The following FAM163B variants were observed in gnomAD, a reference collection of about 807,000 sequenced individuals.
FAM163B encodes the protein family with sequence similarity 163 member B, also known as protein FAM163B.
Under a neutral mutation model 7.6 loss-of-function variants are expected in FAM163B, and 4 were observed. The ratio of observed to expected loss-of-function variants is 0.52; its 90% confidence interval spans 0.26 to 1.20. FAM163B has a LOEUF of 1.20. Among genes scored for constraint, FAM163B ranks in the 50% most tolerant of loss-of-function variants. The probability of loss-of-function intolerance (pLI) is 0.14; values close to 1 mark genes in which losing one functional copy is unlikely to be tolerated. For missense variants in FAM163B, 250 were observed against 243.0 expected, an observed-to-expected ratio of 1.03 and a Z score of -0.19; for synonymous variants, 120 against 111.6, an observed-to-expected ratio of 1.07 and a Z score of -0.47.
intron 1 of FAM163B, among the ~76,000 whole-genome samples, chr9:133,585,036 A>C (rs1831412576): frequency 6.6e-6 from 1 of 152,172 alleles, no homozygotes; most frequent in Non-Finnish European, 1.5e-5. Flanking sequence ...ACAGGTTGTG[A>C]GATGGGGCTC....
rs116308646 is a variant in FAM163B at position 133,601,543 on chromosome 9, A to C, written c.-24+7534T>G. ...TTCCCTTCCGATTACTGAAACCCCC[A>C]TAACTGGAGAATTTCGGGTGCCACA... On this transcript the variant is annotated intron_variant, in intron 1 of 2. Transcript: ENST00000673969. This position sits in a 1 kb window ranked among gnomAD's most constrained non-coding sequence, Gnocchi z 4.1. Among the ~76,000 whole-genome samples the C allele has an allele frequency of 0.013, 2,047 of 151,740 alleles. 38 individuals are homozygous for C. Among genetic ancestry groups the C allele is most frequent in the African/African-American group, 0.047 (1,917 of 41,062 alleles).
chr9:133,582,456 G>C (rs1831370501), intron 1 of FAM163B, among the ~76,000 whole-genome samples: 1 of 152,226 alleles, frequency 6.6e-6, no homozygotes, highest in Admixed American at 6.5e-5. Flanking sequence ...ATCTGGGTCA[G>C]GTCAGGGCTG....
At chr9:133,584,808 G>A (rs865956113) in intron 1 of FAM163B, among the ~76,000 whole-genome samples, 1 of 152,218 alleles carries the variant, frequency 6.6e-6, no homozygotes, top group Non-Finnish European at 1.5e-5. Flanking sequence ...AGAGCCATGC[G>A]GGTCAGGCCC....
rs919513273 is a variant in FAM163B, at chr9:133,580,196, C to T, written c.28G>A (p.Gly10Arg). MTAGTVVIT[G>R]GILATVILLC... ...AAAATCACAGTCGCCAAGATGCCCC[C>T]GGTGATGACCACGGTCCCGGCTGTC... is the stretch of plus-strand genomic sequence containing the variant. Residue 10 changes from glycine (G) to arginine (R), a missense_variant, in exon 2 of 3, where the codon GGG becomes AGG. By Grantham distance (125) the Gly-to-Arg change is moderately radical. Coordinates refer to ENST00000673969, the MANE Select transcript of FAM163B (RefSeq NM_001080515.3). 61 of 1,613,432 alleles carry T rather than the reference C, an allele frequency of 3.8e-5. No individual in the cohort carries two copies. The Admixed American group carries it at 9.2e-4, about 24-fold the overall frequency.
chr9:133,605,080 C>T (rs1333066079), intron 1 of FAM163B, among the ~76,000 whole-genome samples: 4 of 152,204 alleles, frequency 2.6e-5, no homozygotes, highest in African/African-American at 9.7e-5. Flanking sequence ...AGGTGCAGAC[C>T]GAGGCCTGTG....
chr9:133,604,971 G>T (rs536496405), intron 1 of FAM163B, among the ~76,000 whole-genome samples: 2 of 152,234 alleles, frequency 1.3e-5, no homozygotes, highest in African/African-American at 2.4e-5. Flanking sequence ...GGACCTCCTC[G>T]TGAGGAACGG....
chr9:133,602,159 G>A (rs1302012603), intron 1 of FAM163B, among the ~76,000 whole-genome samples: 1 of 147,986 alleles, frequency 6.8e-6, no homozygotes, highest in African/African-American at 2.5e-5. Context: ...CCATGCCCAA[G>A]ACCCGCCATA....
At chr9:133,593,072 G>T (rs926510403) in intron 1 of FAM163B, among the ~76,000 whole-genome samples, 4 of 152,214 alleles carry the variant, frequency 2.6e-5, no homozygotes, top group Non-Finnish European at 5.9e-5. Flanking sequence ...TGCGGTGCGG[G>T]TCAGCAGGAA....
At chr9:133,599,003 A>AC (rs1831671975) in intron 1 of FAM163B, among the ~76,000 whole-genome samples, 1 of 151,532 alleles carries the variant, frequency 6.6e-6, no homozygotes, top group African/African-American at 2.4e-5. Flanking sequence ...TGCAGGCAGC[A>AC]CCCCCTCCCC....
intron 1 of FAM163B, among the ~76,000 whole-genome samples, chr9:133,588,733 G>T (rs1831491354): frequency 1.3e-5 from 1 of 75,048 alleles, no homozygotes; most frequent in Admixed American, 1.4e-4. Flanking sequence ...CACTCATTGT[G>T]CAGTTGGGTG....
chr9:133,589,975 C>G (rs572034556), intron 1 of FAM163B, among the ~76,000 whole-genome samples: 1 of 151,934 alleles, frequency 6.6e-6, no homozygotes, highest in African/African-American at 2.4e-5. Flanking sequence ...CTTTTTGTCT[C>G]CCTTAAAAAT....
In FAM163B at chr9:133,609,243, C is replaced by G. The variant is rs1320442463; in HGVS notation, c.-190G>C. Among the ~76,000 whole-genome samples the G allele has an allele frequency of 6.6e-6, 1 of 151,026 alleles. No individual in the cohort carries two copies. The highest frequency in any genetic ancestry group is 2.4e-5 in the African/African-American group (1 of 41,340). On this transcript the variant is annotated 5_prime_UTR_variant, in exon 1 of 3. Coordinates refer to ENST00000673969, the MANE Select transcript of FAM163B (RefSeq NM_001080515.3). ...GGCGGGCGAGGCGGGCGCTGAGAAG[C>G]CCGGGAGGCCCCCGGGGAGGCGACT...
intron 1 of FAM163B, among the ~76,000 whole-genome samples, chr9:133,593,074 C>T (rs2131246242): frequency 6.6e-6 from 1 of 152,336 alleles, no homozygotes; most frequent in African/African-American, 2.4e-5. Flanking sequence ...CGGTGCGGGT[C>T]AGCAGGAAGC....
intron 1 of FAM163B, among the ~76,000 whole-genome samples, chr9:133,594,978 C>T (rs1020203940): frequency 5.9e-5 from 9 of 152,174 alleles, no homozygotes; most frequent in African/African-American, 9.7e-5. Flanking sequence ...CCGCAGGCAG[C>T]AGGGCGTTGG....
At chr9:133,603,079 T>C (rs1383263464) in intron 1 of FAM163B, among the ~76,000 whole-genome samples, 1 of 152,218 alleles carries the variant, frequency 6.6e-6, no homozygotes, top group Non-Finnish European at 1.5e-5. Context: ...CGCCTTCGGA[T>C]TGGGAAAATG....
At chr9:133,598,423 CAACA>C (rs1455211171) in intron 1 of FAM163B, among the ~76,000 whole-genome samples, 1 of 150,854 alleles carries the variant, frequency 6.6e-6, no homozygotes, top group Non-Finnish European at 1.5e-5. Context: ...AAAAAAAAAA[CAACA>C]AACCAAAAAA....
chr9:133,599,083 T>C (rs892662171), intron 1 of FAM163B, among the ~76,000 whole-genome samples: 11 of 152,172 alleles, frequency 7.2e-5, no homozygotes, highest in African/African-American at 2.7e-4. Flanking sequence ...CCACCTGGCC[T>C]GAGCGCCACA....
Position 133,597,713 on chromosome 9 carries a change from G to A in FAM163B, c.-24+11364C>T, listed in dbSNP as rs1349342508. 2.6e-5 allele frequency among the ~76,000 whole-genome samples: 4 copies of A among 152,050 alleles called. 1 individual carries two copies. The highest frequency in any genetic ancestry group is 4.8e-5 in the African/African-American group (2 of 41,386). On this transcript the variant is annotated intron_variant, in intron 1 of 2. Coordinates refer to ENST00000673969, the MANE Select transcript of FAM163B (RefSeq NM_001080515.3). ...AATCAAATTGCTTAAAACCAGCAAC[G>A]AAGGGAAAAATCTAAACACAGAGCC...
chr9:133,590,986 G>A (rs751634369), intron 1 of FAM163B, among the ~76,000 whole-genome samples: 9 of 152,206 alleles, frequency 5.9e-5, no homozygotes, highest in Non-Finnish European at 1.0e-4. Context: ...TGCCCCCTGC[G>A]TTGGCAGAAA....
Sources: allele counts gnomAD v4.1 joint callset (sites outside exome capture counted in the v4.1 genomes callset), GRCh38; gene constraint gnomAD v4.1.1; non-coding constraint Gnocchi (gnomAD v3.1); transcripts MANE v1.5; gene names NCBI Gene and HGNC (gene_info 2026-07-23, HGNC 2026-07-21).